Variants in STXBP3 observed in about 807,000 individuals in gnomAD.
STXBP3 encodes the protein syntaxin-binding protein 3.
Under a neutral mutation model 85.7 loss-of-function variants are expected in STXBP3, and 41 were observed. The ratio of observed to expected loss-of-function variants is 0.48; its 90% CI spans 0.37 to 0.62. The LOEUF is 0.62. Ranked by LOEUF, STXBP3 falls within the 20% of genes least tolerant of loss-of-function variation. The probability of loss-of-function intolerance (pLI) is 0.00; values close to 1 mark genes in which losing one functional copy is unlikely to be tolerated. For synonymous variants in STXBP3, 229 were observed against 231.7 expected, an observed-to-expected ratio of 0.99 and a Z score of 0.10; for missense variants, 563 against 703.1, an observed-to-expected ratio of 0.80 and a Z score of 2.25.
rs569530283 is a variant in STXBP3, at chr1:108,777,116, G to A, written c.684+693G>A. ...TGACAGAGGTGGTGCCAGAGGCCTA[G>A]GAAGCCATATTACAGTAGCTGGAGA... is the stretch of plus-strand genomic sequence containing the variant. On this transcript the variant is annotated intron_variant, in intron 8 of 18. Transcript: ENST00000370008. Among the ~76,000 whole-genome samples the A allele has an allele frequency of 3.9e-5, 6 of 152,196 alleles. No individual in the cohort carries two copies. In the East Asian group the frequency reaches 1.2e-3, roughly 29 times the overall value.
chr1:108,764,526 C>T (rs1042346525), intron 6 of STXBP3, among the ~76,000 whole-genome samples: 7 of 152,158 alleles, frequency 4.6e-5, no homozygotes, highest in East Asian at 1.9e-4. Flanking sequence ...GGAATGTGAG[C>T]GTTGCCTTTT....
intron 17 of STXBP3, among the ~76,000 whole-genome samples, chr1:108,806,802 T>C (rs1019784536): frequency 6.6e-6 from 1 of 152,154 alleles, no homozygotes; most frequent in Non-Finnish European, 1.5e-5. Context: ...AGGTATATTA[T>C]TTCTTCTTAT....
chr1:108,746,698 G>C lies in STXBP3; in HGVS notation c.-40G>C, dbSNP rs766335768. ...CGCTTCTGCGGCCAAAGTAGGTTGG[G>C]AGTGGAAGGTGGTGGCTGCTGCTCC... On this transcript the variant is annotated 5_prime_UTR_variant, in exon 1 of 19. Transcript: ENST00000370008. The C allele has an allele frequency of 6.5e-7, 1 of 1,548,022 alleles. No individual in the cohort carries two copies. The highest frequency in any genetic ancestry group is 1.2e-5 in the South Asian group (1 of 83,978).
chr1:108,769,032 A>G lies in STXBP3; in HGVS notation c.439-3633A>G, dbSNP rs115566491. Among the ~76,000 whole-genome samples the G allele has an allele frequency of 6.7e-3, 1,025 of 152,296 alleles. 13 individuals carry two copies. Among genetic ancestry groups the G allele is most frequent in the African/African-American group, 0.022 (900 of 41,544 alleles). On this transcript the variant is annotated intron_variant, in intron 6 of 18. Coordinates refer to ENST00000370008, the MANE Select transcript of STXBP3 (RefSeq NM_007269.4). Reference sequence around the variant, plus strand: ...TAATTTTAAACTCGCCAAAAACTTAACTACCAATAGCCTGCTGTTGAGTGG... The same window carrying G: ...TAATTTTAAACTCGCCAAAAACTTAGCTACCAATAGCCTGCTGTTGAGTGG...
chr1:108,769,886 G>T (rs949253136), intron 6 of STXBP3, among the ~76,000 whole-genome samples: 1 of 152,160 alleles, frequency 6.6e-6, no homozygotes, highest in Non-Finnish European at 1.5e-5. Context: ...CTACCTTCTA[G>T]TACTGAGGCC....
intron 8 of STXBP3, among the ~76,000 whole-genome samples, chr1:108,777,899 T>G (rs1003390632): frequency 6.6e-6 from 1 of 152,206 alleles, no homozygotes; most frequent in Non-Finnish European, 1.5e-5. Context: ...TCATAGCTCA[T>G]ATTTTTGAGG....
intron 11 of STXBP3, among the ~76,000 whole-genome samples, chr1:108,785,473 G>T (rs1466061829): frequency 6.6e-6 from 1 of 152,122 alleles, no homozygotes; most frequent in Non-Finnish European, 1.5e-5. Flanking sequence ...CTCTGAGCCT[G>T]ACCCACGAAA....
chr1:108,795,533 T>C lies in STXBP3; in HGVS notation c.1110+626T>C, dbSNP rs188765389. On this transcript the variant is annotated intron_variant, in intron 13 of 18. Transcript: ENST00000370008. ...AAAAAAACTTTGACAACCTGATGTA[T>C]TCAAAATATTATTTCAACATATAAT... Among the ~76,000 whole-genome samples, 4 of 152,098 alleles carry C rather than the reference T, an allele frequency of 2.6e-5. No homozygotes were observed. In the East Asian group the frequency reaches 7.7e-4, roughly 29 times the overall value.
intron 11 of STXBP3, among the ~76,000 whole-genome samples, chr1:108,787,000 A>G (rs534100031): frequency 1.3e-5 from 2 of 152,152 alleles, no homozygotes; most frequent in East Asian, 3.9e-4. Flanking sequence ...ATTTCTAGGT[A>G]TTTGATTTTT....
At chr1:108,800,993 C>G (rs1330965016) in intron 17 of STXBP3, among the ~76,000 whole-genome samples, 2 of 152,132 alleles carry the variant, frequency 1.3e-5, no homozygotes, top group South Asian at 2.1e-4. Flanking sequence ...GCTCCTTTCT[C>G]TCTCCTTCCT....
intron 9 of STXBP3, chr1:108,781,884 A>T (rs1306309494): frequency 6.6e-6 from 1 of 150,430 alleles, no homozygotes; most frequent in African/African-American, 2.4e-5. Context: ...AAGTTTTTGT[A>T]TTTTTTTTTA....
In STXBP3 at chr1:108,746,731, C is replaced by G. The variant is rs1124427; in HGVS notation, c.-7C>G. ...GGTGGTGGCTGCTGCTCCGCAGTGT[C>G]GGGAAGATGGCGCCGCCGGTGGCAG... is the stretch of plus-strand genomic sequence containing the variant. On this transcript the variant is annotated 5_prime_UTR_variant, in exon 1 of 19. Coordinates refer to ENST00000370008, the MANE Select transcript of STXBP3 (RefSeq NM_007269.4). 1,146,076 of 1,548,334 alleles carry G rather than the reference C, an allele frequency of 0.74. 433,364 individuals are homozygous for G. Among genetic ancestry groups the G allele is most frequent in the Non-Finnish European group, 0.78 (894,748 of 1,145,532 alleles).
chr1:108,758,712 C>A, intron 5 of STXBP3, 124 bp downstream of exon 5: 1 of 420,388 alleles, frequency 2.4e-6, no homozygotes, highest in Non-Finnish European at 4.3e-6. Context: ...TATTTCAGTC[C>A]TGGTGATTTT....
At chr1:108,802,922 A>C (rs1663261850) in intron 17 of STXBP3, among the ~76,000 whole-genome samples, 1 of 152,154 alleles carries the variant, frequency 6.6e-6, no homozygotes, top group African/African-American at 2.4e-5. Flanking sequence ...TACATGCATA[A>C]ATTTTCACTG....
At chr1:108,776,463 T>G in intron 8 of STXBP3, 40 bp downstream of exon 8, 1 of 1,471,490 alleles carries the variant, frequency 6.8e-7, no homozygotes, top group Non-Finnish European at 9.3e-7. Context: ...GCATAAAGTC[T>G]GTCTTATTTC....
chr1:108,789,271 A>G (rs1662926063), intron 11 of STXBP3, among the ~76,000 whole-genome samples: 1 of 152,120 alleles, frequency 6.6e-6, no homozygotes, highest in Non-Finnish European at 1.5e-5. Context: ...ACGGCTGTGA[A>G]TGTGGCCCAA....
intron 7 of STXBP3, among the ~76,000 whole-genome samples, chr1:108,774,165 G>T (rs555048807): frequency 3.3e-5 from 5 of 152,220 alleles, no homozygotes; most frequent in African/African-American, 1.2e-4. Flanking sequence ...AGTCATCCAT[G>T]TTTGTTGTGT....
chr1:108,761,787 A>G (rs968188544), intron 6 of STXBP3, among the ~76,000 whole-genome samples: 2 of 152,140 alleles, frequency 1.3e-5, no homozygotes, highest in Non-Finnish European at 2.9e-5. Flanking sequence ...CCTGGCCAAC[A>G]TAGTAAAACC....
intron 6 of STXBP3, among the ~76,000 whole-genome samples, chr1:108,768,435 A>G (rs1415061908): frequency 2.0e-5 from 3 of 152,160 alleles, no homozygotes. Flanking sequence ...GATTGGGAAA[A>G]TATTTGAAGA....
Sources: gnomAD v4.1 joint callset for allele counts (sites outside exome capture counted in the v4.1 genomes callset) on GRCh38, gnomAD v4.1.1 for gene constraint, MANE v1.5 for transcripts, NCBI Gene and HGNC (gene_info 2026-07-23, HGNC 2026-07-21) for gene names.